Variants in ADAMTS9 observed in about 807,000 individuals in gnomAD.
The protein encoded by ADAMTS9 is A disintegrin and metalloproteinase with thrombospondin motifs 9.
Under a neutral mutation model 257.1 loss-of-function variants are expected in ADAMTS9, and 107 were observed. That is an observed-to-expected ratio of 0.42 (90% CI 0.36 to 0.49). The LOEUF is 0.49. ADAMTS9 is among the 20% of genes least tolerant of loss of function. The probability of loss-of-function intolerance (pLI) is 0.03; values close to 1 mark genes in which losing one functional copy is unlikely to be tolerated. For missense variants in ADAMTS9, 2,353 were observed against 2,469.1 expected, an observed-to-expected ratio of 0.95 and a Z score of 1.00; for synonymous variants, 982 against 880.9, an observed-to-expected ratio of 1.11 and a Z score of -2.03.
In ADAMTS9 at chr3:64,654,349, T is replaced by A; in HGVS notation, c.1316+4A>T. Reference sequence around the variant, plus strand: ...TTAAATGAAATTACTGAAAGGTAACTCACACATGGCCCAGCTCATGGGCGA... The same window carrying A: ...TTAAATGAAATTACTGAAAGGTAACACACACATGGCCCAGCTCATGGGCGA... On this transcript the variant is annotated splice_donor_region_variant and intron_variant, in intron 8 of 39. Coordinates refer to ENST00000498707, the MANE Select transcript of ADAMTS9 (RefSeq NM_182920.2). The A allele has an allele frequency of 6.2e-7, 1 of 1,609,592 alleles. No homozygotes were observed. The highest frequency in any genetic ancestry group is 1.1e-5 in the South Asian group (1 of 89,768).
At chr3:64,596,450 G>T (rs2084365241) in intron 27 of ADAMTS9, among the ~76,000 whole-genome samples, 1 of 152,168 alleles carries the variant, frequency 6.6e-6, no homozygotes, top group South Asian at 2.1e-4. Flanking sequence ...GAGACATTAT[G>T]CCATGGGAAC....
At position 64,607,308 on chromosome 3, in the gene ADAMTS9, AGGG is replaced by A. The variant is rs2084576706; in HGVS notation, c.3355-232_3355-230del. The stretch of plus-strand genomic sequence containing the variant: ...TGCCTCCCATTGAAATGATATTTAT[AGGG>A]GTTCAACTCATTAACTGTGAACTCC... On this transcript the variant is annotated intron_variant, in intron 22 of 39. Transcript: ENST00000498707. Among the ~76,000 whole-genome samples, 4 of 152,310 alleles carry A rather than the reference AGGG, an allele frequency of 2.6e-5. 1 individual carries two copies. Among genetic ancestry groups the A allele is most frequent in the Middle Eastern group, 6.8e-3 (2 of 294 alleles).
At chr3:64,568,667 T>G in intron 28 of ADAMTS9, 132 bp from the exon 29 acceptor site, 2 of 1,074,228 alleles carry the variant, frequency 1.9e-6, no homozygotes, top group Non-Finnish European at 2.7e-6. Context: ...AGCGCCAGTT[T>G]GGATAATATC....
chr3:64,654,721 G>T, intron 6 of ADAMTS9, 109 bp from the exon 7 acceptor site: 1 of 1,279,454 alleles, frequency 7.8e-7, no homozygotes. Flanking sequence ...CTTTGGGGTG[G>T]GGGTTAAAAA....
At chr3:64,586,634 G>A (rs893158235) in intron 28 of ADAMTS9, 1 of 152,170 alleles carries the variant, frequency 6.6e-6, no homozygotes, top group African/African-American at 2.4e-5. Context: ...TGCAGTCAAT[G>A]TTGTTGCATA....
At chr3:64,648,081 T>G (rs1700841063) in intron 10 of ADAMTS9, 37 bp from the exon 11 acceptor site, 1 of 1,566,698 alleles carries the variant, frequency 6.4e-7, no homozygotes, top group Non-Finnish European at 8.7e-7. Context: ...GAGTGACAAG[T>G]GATTTATTTG....
chr3:64,616,262 T>C, intron 19 of ADAMTS9, 92 bp from the exon 20 acceptor site: 1 of 1,381,862 alleles, frequency 7.2e-7, no homozygotes, highest in Non-Finnish European at 1.0e-6. Context: ...AGTTGAGTTC[T>C]TTTTTCTTTC....
chr3:64,535,558 T>C (rs60434595), intron 37 of ADAMTS9, among the ~76,000 whole-genome samples: 1,827 of 135,970 alleles, frequency 0.013, 51 homozygotes, highest in East Asian at 0.11. Flanking sequence ...TTTTCTTTTT[T>C]TTTTTTTTTT....
At chr3:64,540,890 C>T (rs544192735) in intron 36 of ADAMTS9, among the ~76,000 whole-genome samples, 15 of 152,308 alleles carry the variant, frequency 9.8e-5, no homozygotes, top group African/African-American at 2.6e-4. Flanking sequence ...CTGGGGAATA[C>T]AGCAGTGAAC....
intron 38 of ADAMTS9, among the ~76,000 whole-genome samples, chr3:64,525,674 AAT>A (rs1352232314): frequency 6.6e-6 from 1 of 151,950 alleles, no homozygotes; most frequent in Non-Finnish European, 1.5e-5. Flanking sequence ...GCAATGGCGC[AAT>A]GTCAGCTCAC....
In ADAMTS9 at chr3:64,631,556, A is replaced by G; in HGVS notation, c.2294-6T>C. On this transcript the variant is annotated splice_polypyrimidine_tract_variant and splice_region_variant and intron_variant, in intron 15 of 39. Transcript: ENST00000498707. ...TCGGACCACAGTATTGTAACCTGAA[A>G]AGAATTTAGCAGAAATTCAGTACTC... 6.2e-7 allele frequency: 1 copy of G among 1,611,572 alleles called. No homozygotes were observed. Among genetic ancestry groups the G allele is most frequent in the Non-Finnish European group, 8.5e-7 (1 of 1,177,646 alleles).
intron 8 of ADAMTS9, among the ~76,000 whole-genome samples, chr3:64,654,043 A>T (rs956611013): frequency 7.2e-5 from 11 of 152,218 alleles, no homozygotes; most frequent in Non-Finnish European, 1.5e-4. Flanking sequence ...CTTCAGTAGA[A>T]GGAATGGAAA....
chr3:64,596,516 C>A (rs576574294), intron 27 of ADAMTS9, among the ~76,000 whole-genome samples: 1 of 152,256 alleles, frequency 6.6e-6, no homozygotes, highest in African/African-American at 2.4e-5. Flanking sequence ...CTTCCATGGA[C>A]CGATTTAACA....
chr3:64,679,499 T>A (rs993859602), intron 3 of ADAMTS9, among the ~76,000 whole-genome samples: 3 of 152,216 alleles, frequency 2.0e-5, no homozygotes, highest in African/African-American at 7.2e-5. Context: ...GTGGTACATG[T>A]ACAGTGCTTT....
chr3:64,658,577 C>G lies in ADAMTS9; in HGVS notation c.894G>C (p.Leu298Phe). Reference protein sequence around the residue: ...FLSYPRFVEVLVVADNRMVSY... With the variant: ...FLSYPRFVEVFVVADNRMVSY... ...AAACCATTCTGTTGTCTGCCACCAC[C>G]AAGACTTCTACAAACCGTGGATAGG... The change falls in exon 4 of 40, where the codon TTG becomes TTC. Residue 298 changes from leucine (L) to phenylalanine (F), a missense_variant. Physicochemically the swap from Leu to Phe is conservative, Grantham distance 22. Coordinates refer to ENST00000498707, the MANE Select transcript of ADAMTS9 (RefSeq NM_182920.2). The G allele has an allele frequency of 6.2e-7, 1 of 1,614,158 alleles. No homozygotes were observed. The highest frequency in any genetic ancestry group is 1.1e-5 in the South Asian group (1 of 91,072).
chr3:64,658,916 T>C (rs1701155259), intron 3 of ADAMTS9, 125 bp from the exon 4 acceptor site: 1 of 995,146 alleles, frequency 1.0e-6, no homozygotes, highest in Non-Finnish European at 1.5e-6. Context: ...AAGTCCTCCA[T>C]GGACTCTACA....
chr3:64,586,996 C>T (rs1447131660), intron 28 of ADAMTS9: 2 of 152,184 alleles, frequency 1.3e-5, no homozygotes, highest in Admixed American at 6.5e-5. Context: ...TCAAGCCTTG[C>T]CCTTTCAACC....
intron 11 of ADAMTS9, among the ~76,000 whole-genome samples, chr3:64,644,164 C>T (rs572679413): frequency 8.5e-5 from 13 of 152,330 alleles, no homozygotes; most frequent in African/African-American, 3.1e-4. Flanking sequence ...GTACACTGCA[C>T]TTAATATTTG....
At chr3:64,650,917 C>A in intron 9 of ADAMTS9, 100 bp downstream of exon 9, 10 of 1,043,066 alleles carry the variant, frequency 9.6e-6, no homozygotes, top group East Asian at 3.5e-5. Flanking sequence ...AAAAATAACT[C>A]AAAAGGAATG....
Sources: allele counts gnomAD v4.1 joint callset (sites outside exome capture counted in the v4.1 genomes callset), GRCh38; gene constraint gnomAD v4.1.1; transcripts MANE v1.5; gene names NCBI Gene and HGNC (gene_info 2026-07-23, HGNC 2026-07-21).